Variants in ADGRB3 observed in about 807,000 individuals in gnomAD.
ADGRB3 encodes the protein brain-specific angiogenesis inhibitor 3.
ADGRB3 carries 37 observed loss-of-function variants against 193.4 expected under a neutral mutation model. The observed-to-expected ratio is 0.19, with a 90% confidence interval of 0.15 to 0.25. The LOEUF (loss-of-function observed/expected upper bound fraction) is 0.25. ADGRB3 is among the 10% of genes least tolerant of loss of function. ADGRB3 has a pLI of 1.00. For missense variants in ADGRB3, 1,637 were observed against 1,852.9 expected (o/e 0.88, Z 2.14); for synonymous variants, 690 against 644.2 (o/e 1.07, Z -1.08).
chr6:68,948,126 A>G (rs552673966), intron 6 of ADGRB3, among the ~76,000 whole-genome samples: 13 of 152,220 alleles, frequency 8.5e-5, no homozygotes, highest in Middle Eastern at 3.2e-3. Context: ...AAGACCAGCC[A>G]TAATTGGTAA....
intron 20 of ADGRB3, among the ~76,000 whole-genome samples, chr6:69,254,878 C>A (rs1421317821): frequency 8.3e-6 from 1 of 121,168 alleles, no homozygotes; most frequent in Non-Finnish European, 1.6e-5. Flanking sequence ...CCACAACAGT[C>A]CCCAGAGTGT....
intron 3 of ADGRB3, among the ~76,000 whole-genome samples, chr6:68,904,243 G>T (rs1766483873): frequency 6.6e-6 from 1 of 152,126 alleles, no homozygotes; most frequent in Non-Finnish European, 1.5e-5. Context: ...ACAGTGGCAA[G>T]TATTTGTGTA....
intron 3 of ADGRB3, among the ~76,000 whole-genome samples, chr6:68,644,861 T>A (rs1768165008): frequency 1.3e-5 from 2 of 152,182 alleles, no homozygotes; most frequent in Admixed American, 1.3e-4. Context: ...ATACAATGTA[T>A]ACACACATGT....
chr6:68,995,187 CT>C (rs1582379791), intron 11 of ADGRB3, among the ~76,000 whole-genome samples: 1 of 152,116 alleles, frequency 6.6e-6, no homozygotes, highest in Non-Finnish European at 1.5e-5. Flanking sequence ...AGATGAAACA[CT>C]TTTTTTCCTA....
chr6:69,252,808 TA>T lies in ADGRB3; in HGVS notation c.2814+13589del, dbSNP rs1405822102. 2.6e-5 allele frequency among the ~76,000 whole-genome samples: 4 copies of T among 152,004 alleles called. No homozygotes were observed. The South Asian group carries it at 6.2e-4, about 24-fold the overall frequency. On this transcript the variant is annotated intron_variant, in intron 20 of 31. Coordinates refer to ENST00000370598, the MANE Select transcript of ADGRB3 (RefSeq NM_001704.3). Reference sequence around the variant, plus strand: ...TTTTTGTGAAGTTCAGTGTATCATTTAAAAAAATAGTTTGTGTTTATGACTC... The same window carrying T: ...TTTTTGTGAAGTTCAGTGTATCATTTAAAAAATAGTTTGTGTTTATGACTC...
intron 3 of ADGRB3, among the ~76,000 whole-genome samples, chr6:68,720,775 G>A (rs888769068): frequency 4.0e-5 from 6 of 151,720 alleles, no homozygotes; most frequent in Admixed American, 6.6e-5. Context: ...GGAAACACTC[G>A]CCTGACTTCT....
intron 17 of ADGRB3, among the ~76,000 whole-genome samples, chr6:69,125,064 C>A (rs1236473893): frequency 6.6e-6 from 1 of 152,138 alleles, no homozygotes; most frequent in African/African-American, 2.4e-5. Context: ...GTCTACATCA[C>A]CAGGCAGAGA....
At chr6:68,846,749 G>A (rs1336586185) in intron 3 of ADGRB3, among the ~76,000 whole-genome samples, 1 of 152,202 alleles carries the variant, frequency 6.6e-6, no homozygotes, top group Non-Finnish European at 1.5e-5. Flanking sequence ...CATGGGTGGG[G>A]CTTTCATGGA....
At chr6:68,693,796 G>T (rs540778828) in intron 3 of ADGRB3, among the ~76,000 whole-genome samples, 1 of 152,028 alleles carries the variant, frequency 6.6e-6, no homozygotes, top group South Asian at 2.1e-4. Flanking sequence ...AGAAAACTTT[G>T]CATTGGTATG....
chr6:69,232,718 G>A, intron 17 of ADGRB3: 1 of 1,203,718 alleles, frequency 8.3e-7, no homozygotes, highest in South Asian at 1.4e-5. Context: ...CCCGTTTCCA[G>A]GGTGAAATTT....
At chr6:68,872,251 C>T (rs1051027037) in intron 3 of ADGRB3, among the ~76,000 whole-genome samples, 3 of 152,042 alleles carry the variant, frequency 2.0e-5, no homozygotes, top group East Asian at 1.9e-4. Flanking sequence ...CAAGTCTTTG[C>T]CAGCCTTAGT....
chr6:69,134,753 T>G (rs1774105090), intron 17 of ADGRB3, among the ~76,000 whole-genome samples: 1 of 151,564 alleles, frequency 6.6e-6, no homozygotes, highest in African/African-American at 2.4e-5. Flanking sequence ...ATATGTATGG[T>G]GTGTGTGTAT....
chr6:69,122,397 C>T (rs1773732466), intron 17 of ADGRB3, among the ~76,000 whole-genome samples: 1 of 141,470 alleles, frequency 7.1e-6, no homozygotes, highest in African/African-American at 2.6e-5. Context: ...TGCAGCCAGC[C>T]AAGACCACGG....
intron 17 of ADGRB3, among the ~76,000 whole-genome samples, chr6:69,227,702 C>A (rs977342886): frequency 6.6e-6 from 1 of 152,266 alleles, no homozygotes; most frequent in South Asian, 2.1e-4. Flanking sequence ...AAAGCACCCA[C>A]TAAATACATA....
At chr6:68,969,015 G>A (rs752842450) in intron 8 of ADGRB3, among the ~76,000 whole-genome samples, 4 of 151,964 alleles carry the variant, frequency 2.6e-5, no homozygotes, top group Admixed American at 6.6e-5. Flanking sequence ...ATTGGACAGT[G>A]CTGGTATGTT....
intron 13 of ADGRB3, among the ~76,000 whole-genome samples, chr6:69,031,037 C>CTCTCTTCTCTTCTCTTCTCTTCTCT (rs749578717): frequency 2.2e-4 from 8 of 36,554 alleles, no homozygotes; most frequent in African/African-American, 4.1e-4. Flanking sequence ...CTCTTCTCTT[C>CTCTCTTCTCTTCTCTTCTCTTCTCT]TCTCTTCTCT....
At chr6:69,260,913 C>T (rs984559321) in intron 20 of ADGRB3, among the ~76,000 whole-genome samples, 2 of 152,078 alleles carry the variant, frequency 1.3e-5, no homozygotes, top group Admixed American at 1.3e-4. Context: ...AATATTATCT[C>T]TCTGCAAATG....
chr6:69,256,085 A>G (rs1450017066), intron 20 of ADGRB3, among the ~76,000 whole-genome samples: 4 of 151,552 alleles, frequency 2.6e-5, no homozygotes, highest in Admixed American at 6.6e-5. Flanking sequence ...TACCAGTACC[A>G]TGCTGTTTTG....
intron 3 of ADGRB3, among the ~76,000 whole-genome samples, chr6:68,673,588 A>G (rs577983267): frequency 6.6e-6 from 1 of 152,266 alleles, no homozygotes; most frequent in African/African-American, 2.4e-5. Flanking sequence ...GAAGAGGGCA[A>G]AAGATAAAAC....
Sources: gnomAD v4.1 joint callset for allele counts (sites outside exome capture counted in the v4.1 genomes callset) on GRCh38, gnomAD v4.1.1 for gene constraint, MANE v1.5 for transcripts, NCBI Gene and HGNC (gene_info 2026-07-23, HGNC 2026-07-21) for gene names.